The following CRYL1 variants were observed in gnomAD, a reference collection of about 807,000 sequenced individuals.
CRYL1 encodes the protein lambda-crystallin homolog.
CRYL1 carries 29 observed loss-of-function variants against 36.6 expected under a neutral mutation model. The ratio of observed to expected loss-of-function variants is 0.79; its 90% confidence interval spans 0.59 to 1.08. The LOEUF (loss-of-function observed/expected upper bound fraction) is 1.08. Among genes scored for constraint, CRYL1 ranks in the 50% least tolerant of loss-of-function variants. The probability of loss-of-function intolerance (pLI) is 0.00; values close to 1 mark genes in which losing one functional copy is unlikely to be tolerated. For synonymous variants in CRYL1, 152 were observed against 151.5 expected, an observed-to-expected ratio of 1.00 and a Z score of -0.02; for missense variants, 411 against 407.9, an observed-to-expected ratio of 1.01 and a Z score of -0.06.
chr13:20,456,656 A>AACACACAC lies in CRYL1; in HGVS notation c.277-16910_277-16903dup, dbSNP rs35160798. Among the ~76,000 whole-genome samples the AACACACAC allele has an allele frequency of 3.6e-4, 51 of 142,910 alleles. 1 individual carries two copies. The highest frequency in any genetic ancestry group is 1.1e-3 in the Admixed American group (16 of 14,168). The allele number at this position is 142,910 out of a possible 152,430, so 93.8% of individuals were successfully genotyped here. On this transcript the variant is annotated intron_variant, in intron 3 of 7. Coordinates refer to ENST00000298248, the MANE Select transcript of CRYL1 (RefSeq NM_015974.3). ...CACACACAAAGACCACGATTCTTAA[A>AACACACAC]ACACACACACACACACACACACCCC...
chr13:20,433,179 C>A (rs1461339443), intron 4 of CRYL1, among the ~76,000 whole-genome samples: 11 of 152,196 alleles, frequency 7.2e-5, no homozygotes, highest in Admixed American at 2.6e-4. Context: ...ACGAGCCCAA[C>A]ACAGGAAGGC....
chr13:20,505,378 A>AAAAAAAAAAAAAAAAAAAAAAAG (rs2033777445), intron 2 of CRYL1, among the ~76,000 whole-genome samples: 1 of 132,608 alleles, frequency 7.5e-6, no homozygotes, highest in Non-Finnish European at 1.6e-5. Context: ...AAAAAAAAAA[A>AAAAAAAAAAAAAAAAAAAAAAAG]AAAATCAGAA....
At chr13:20,507,741 A>AC (rs1369813895) in intron 2 of CRYL1, among the ~76,000 whole-genome samples, 3 of 151,914 alleles carry the variant, frequency 2.0e-5, no homozygotes, top group African/African-American at 7.3e-5. Context: ...ACACAGTGAA[A>AC]CCCCGTCTCT....
At chr13:20,460,715 T>C (rs1000047251) in intron 3 of CRYL1, among the ~76,000 whole-genome samples, 29 of 152,058 alleles carry the variant, frequency 1.9e-4, no homozygotes, top group Middle Eastern at 3.4e-3. Context: ...TTAGTAGAGA[T>C]GGGGTTTCAC....
chr13:20,504,005 G>A (rs960269228), intron 2 of CRYL1, among the ~76,000 whole-genome samples: 1 of 152,196 alleles, frequency 6.6e-6, no homozygotes, highest in African/African-American at 2.4e-5. Context: ...GGGTGACCAT[G>A]TACAGATGGT....
At chr13:20,440,377 AC>A in intron 3 of CRYL1, among the ~76,000 whole-genome samples, 1 of 152,334 alleles carries the variant, frequency 6.6e-6, no homozygotes, top group Admixed American at 6.5e-5. Context: ...GTTCTCCCTT[AC>A]AAAAACCACC....
chr13:20,511,921 G>A (rs1232636784), intron 2 of CRYL1, among the ~76,000 whole-genome samples: 2 of 152,138 alleles, frequency 1.3e-5, no homozygotes, highest in African/African-American at 2.4e-5. Context: ...AACTAGTACC[G>A]CTGTCACAGT....
intron 3 of CRYL1, among the ~76,000 whole-genome samples, chr13:20,465,201 C>T (rs1328392909): frequency 3.9e-5 from 6 of 152,140 alleles, no homozygotes; most frequent in Non-Finnish European, 7.4e-5. Context: ...TAAGCATGCC[C>T]AGAAGTGGCC....
intron 3 of CRYL1, among the ~76,000 whole-genome samples, chr13:20,444,927 A>C (rs2032423266): frequency 6.6e-6 from 1 of 152,214 alleles, no homozygotes; most frequent in Non-Finnish European, 1.5e-5. Flanking sequence ...CATGTTGGCC[A>C]GGCTGGTCTT....
chr13:20,431,721 C>A lies in CRYL1; in HGVS notation c.633+381G>T, dbSNP rs1419593490. 2.6e-6 allele frequency: 3 copies of A among 1,157,358 alleles called. No homozygotes were observed. The African/African-American group carries it at 4.8e-5, about 19-fold the overall frequency. The allele number at this position is 1,157,358 out of a possible 1,614,324, so 71.7% of individuals were successfully genotyped here. A position where few individuals can be genotyped will look rare whatever the true frequency, so the allele number is the denominator to read the frequency against. On this transcript the variant is annotated intron_variant, in intron 5 of 7. Coordinates refer to ENST00000298248, the MANE Select transcript of CRYL1 (RefSeq NM_015974.3). ...TTCCTTCAGGAGACAGAAGTTTACACAAAATATAATTTTTTTCCTTTTGAA... is the reference window on the plus strand; with the variant it reads ...TTCCTTCAGGAGACAGAAGTTTACAAAAAATATAATTTTTTTCCTTTTGAA...
intron 3 of CRYL1, among the ~76,000 whole-genome samples, chr13:20,455,925 C>A (rs73443954): frequency 0.041 from 6,257 of 152,152 alleles, 429 homozygotes; most frequent in African/African-American, 0.14. Context: ...GAGAGCCCAG[C>A]GATAGATCCA....
chr13:20,456,249 G>A (rs571578252), intron 3 of CRYL1, among the ~76,000 whole-genome samples: 13 of 152,134 alleles, frequency 8.5e-5, no homozygotes, highest in South Asian at 6.2e-4. Flanking sequence ...CGAGGCGGGC[G>A]TATCACCTGA....
chr13:20,498,474 G>A (rs757921282), intron 2 of CRYL1, among the ~76,000 whole-genome samples: 5 of 152,112 alleles, frequency 3.3e-5, no homozygotes, highest in African/African-American at 7.2e-5. Flanking sequence ...GTCTAGGCCC[G>A]TGTGTCGGAA....
chr13:20,430,358 GCAGCCAACA>G, intron 5 of CRYL1: 1 of 985,348 alleles, frequency 1.0e-6, no homozygotes, highest in Non-Finnish European at 1.2e-6. Flanking sequence ...GAGTCCCACA[GCAGCCAACA>G]CAGAGACATA....
At chr13:20,512,390 C>T in intron 2 of CRYL1, 53 bp downstream of exon 2, 2 of 1,282,718 alleles carry the variant, frequency 1.6e-6, no homozygotes. Context: ...ACAAGACCAA[C>T]TGAGAGAAAC....
chr13:20,458,360 G>A (rs1302204114), intron 3 of CRYL1, among the ~76,000 whole-genome samples: 1 of 152,110 alleles, frequency 6.6e-6, no homozygotes, highest in Non-Finnish European at 1.5e-5. Flanking sequence ...CAAAAGGGCA[G>A]GTCCCACCCC....
chr13:20,510,571 A>G (rs1328333167), intron 2 of CRYL1, among the ~76,000 whole-genome samples: 5 of 151,672 alleles, frequency 3.3e-5, no homozygotes, highest in Non-Finnish European at 5.9e-5. Flanking sequence ...ATGTCAGTAT[A>G]CATTTCTCCA....
At chr13:20,424,325 G>A (rs1470725544) in intron 5 of CRYL1, among the ~76,000 whole-genome samples, 1 of 152,226 alleles carries the variant, frequency 6.6e-6, no homozygotes, top group Non-Finnish European at 1.5e-5. Context: ...GAAGCAGCAT[G>A]TGGACTCTGT....
intron 5 of CRYL1, 143 bp from the exon 6 acceptor site, chr13:20,413,530 G>T: frequency 1.7e-6 from 1 of 572,162 alleles, no homozygotes; most frequent in Non-Finnish European, 3.1e-6. Flanking sequence ...TACCGAATAT[G>T]CTTATGACCA....
Sources: allele counts gnomAD v4.1 joint callset (sites outside exome capture counted in the v4.1 genomes callset), GRCh38; gene constraint gnomAD v4.1.1; transcripts MANE v1.5; gene names NCBI Gene and HGNC (gene_info 2026-07-23, HGNC 2026-07-21).